Variants in SMAD6 observed in about 807,000 individuals in gnomAD.
SMAD6 encodes the protein MAD homolog 6.
In SMAD6, 103 loss-of-function variants were observed where a neutral mutation model predicts 39.4. The ratio of observed to expected loss-of-function variants is 2.62; its 90% CI spans 2.23 to 3.08. SMAD6 has a LOEUF of 3.08. Ranked by LOEUF, SMAD6 falls within the 30% of genes most tolerant of loss-of-function variation. The probability of loss-of-function intolerance (pLI) is 0.00; values close to 1 mark genes in which losing one functional copy is unlikely to be tolerated. For missense variants in SMAD6, 1,104 were observed against 742.9 expected (o/e 1.49, Z -5.65); for synonymous variants, 445 against 353.3 (o/e 1.26, Z -2.91).
intron 3 of SMAD6, among the ~76,000 whole-genome samples, chr15:66,763,060 C>A (rs1249419535): frequency 6.6e-6 from 1 of 152,204 alleles, no homozygotes; most frequent in African/African-American, 2.4e-5. Context: ...TCTTGCTGAA[C>A]CAGAAGATGT....
At chr15:66,776,348 C>G (rs1284758116) in intron 3 of SMAD6, among the ~76,000 whole-genome samples, 2 of 152,188 alleles carry the variant, frequency 1.3e-5, no homozygotes, top group East Asian at 3.8e-4. Flanking sequence ...CCTTCTGCAC[C>G]CACTTGATTT....
intron 3 of SMAD6, among the ~76,000 whole-genome samples, chr15:66,780,252 C>T (rs1002926058): frequency 1.2e-4 from 19 of 152,166 alleles, no homozygotes; most frequent in Middle Eastern, 3.4e-3. Flanking sequence ...CTCAGGTGGG[C>T]GGTACCAGGA....
At chr15:66,771,824 A>G (rs1415809451) in intron 3 of SMAD6, among the ~76,000 whole-genome samples, 3 of 152,194 alleles carry the variant, frequency 2.0e-5, no homozygotes, top group Admixed American at 6.5e-5. Flanking sequence ...ATCAATTATT[A>G]TGATTGTAGC....
chr15:66,779,711 G>C (rs1178159139), intron 3 of SMAD6, among the ~76,000 whole-genome samples: 1 of 152,254 alleles, frequency 6.6e-6, no homozygotes, highest in Admixed American at 6.5e-5. Context: ...GTTGGACTTT[G>C]ATCAGTTTTC....
At chr15:66,763,541 C>G (rs1894239591) in intron 3 of SMAD6, among the ~76,000 whole-genome samples, 1 of 152,226 alleles carries the variant, frequency 6.6e-6, no homozygotes, top group African/African-American at 2.4e-5. Context: ...GCAGTCTGTC[C>G]CTCTCGGGCC....
chr15:66,775,076 G>T (rs1474273957), intron 3 of SMAD6, among the ~76,000 whole-genome samples: 1 of 152,062 alleles, frequency 6.6e-6, no homozygotes, highest in African/African-American at 2.4e-5. Context: ...TGGCCAGGCT[G>T]GTCTCGAACT....
At position 66,709,795 on chromosome 15, in the gene SMAD6, T is replaced by A. The variant is rs115163869; in HGVS notation, c.818-1873T>A. On this transcript the variant is annotated intron_variant, in intron 1 of 3. Coordinates refer to ENST00000288840, the MANE Select transcript of SMAD6 (RefSeq NM_005585.5). ...CTCCTTCTCTGTACAGTGGAAACAC[T>A]GGCCTCAATTCTCTTTTCCTGTGGA... Among the ~76,000 whole-genome samples the A allele has an allele frequency of 4.4e-3, 671 of 152,294 alleles. 5 individuals carry two copies. Among genetic ancestry groups the A allele is most frequent in the African/African-American group, 0.016 (646 of 41,546 alleles).
intron 3 of SMAD6, among the ~76,000 whole-genome samples, chr15:66,728,510 G>A (rs1168566738): frequency 6.6e-6 from 1 of 151,612 alleles, no homozygotes; most frequent in African/African-American, 2.4e-5. Context: ...AGGTTCAAGC[G>A]ATTCTCCTGC....
chr15:66,779,095 C>T lies in SMAD6; in HGVS notation c.953-1902C>T, dbSNP rs1449069335. Among the ~76,000 whole-genome samples, 76 of 151,748 alleles carry T rather than the reference C, an allele frequency of 5.0e-4. 1 individual carries two copies. Among genetic ancestry groups the T allele is most frequent in the Non-Finnish European group, 1.9e-4 (13 of 67,908 alleles). ...AGGTAGATGGCTGGGGAGAGGGGCACTGGAGTGGGGTGGCTGGGGAGAGGG... is the reference window on the plus strand; with the variant it reads ...AGGTAGATGGCTGGGGAGAGGGGCATTGGAGTGGGGTGGCTGGGGAGAGGG... On this transcript the variant is annotated intron_variant, in intron 3 of 3. Transcript: ENST00000288840.
chr15:66,753,367 G>A (rs115837475), intron 3 of SMAD6, among the ~76,000 whole-genome samples: 1 of 152,332 alleles, frequency 6.6e-6, no homozygotes, highest in African/African-American at 2.4e-5. Flanking sequence ...GGGTCCTTGT[G>A]CGTTGGGCCA....
chr15:66,724,886 C>T lies in SMAD6; in HGVS notation c.952+8388C>T, dbSNP rs567888337. ...GGCTGGCTGCAGATGGCCCCTACCCCTCACTATACATTGGCGGCCTGCATC... is the reference window on the plus strand; with the variant it reads ...GGCTGGCTGCAGATGGCCCCTACCCTTCACTATACATTGGCGGCCTGCATC... On this transcript the variant is annotated intron_variant, in intron 3 of 3. Transcript: ENST00000288840. Among the ~76,000 whole-genome samples, 7 of 152,262 alleles carry T rather than the reference C, an allele frequency of 4.6e-5. No homozygotes were observed. In the South Asian group the frequency reaches 1.0e-3, roughly 23 times the overall value.
chr15:66,711,075 T>G (rs1197151785), intron 1 of SMAD6, among the ~76,000 whole-genome samples: 1 of 152,212 alleles, frequency 6.6e-6, no homozygotes, highest in Non-Finnish European at 1.5e-5. Flanking sequence ...GCAAATAAAA[T>G]GCAGGATGCC....
At chr15:66,754,374 G>C (rs1456341630) in intron 3 of SMAD6, among the ~76,000 whole-genome samples, 1 of 152,146 alleles carries the variant, frequency 6.6e-6, no homozygotes, top group African/African-American at 2.4e-5. Flanking sequence ...GTTCATACTT[G>C]CATCTTCTAA....
In SMAD6 at chr15:66,703,540, G is replaced by C. The variant is rs1355038922; in HGVS notation, c.282G>C (p.Ser94=). 5 of 1,221,486 alleles carry C rather than the reference G, an allele frequency of 4.1e-6. No homozygotes were observed. Among genetic ancestry groups the C allele is most frequent in the Non-Finnish European group, 5.1e-6 (5 of 978,938 alleles). The allele number at this position is 1,221,486 out of a possible 1,614,324, so 75.7% of individuals were successfully genotyped here. The change falls in exon 1 of 4, where the codon TCG becomes TCC. Residue 94 remains serine, a synonymous_variant. Coordinates refer to ENST00000288840, the MANE Select transcript of SMAD6 (RefSeq NM_005585.5). ...RRAGGPPRPM[S]EPGAGAGSSL... ...CAGGGGGCCCCCCGAGGCCCATGTC[G>C]GAGCCAGGGGCCGGCGCTGGGAGCT...
chr15:66,774,367 C>T (rs991722439), intron 3 of SMAD6, among the ~76,000 whole-genome samples: 3 of 152,198 alleles, frequency 2.0e-5, no homozygotes, highest in African/African-American at 7.2e-5. Flanking sequence ...CCTGCACCCC[C>T]ACAAAATTAC....
intron 1 of SMAD6, chr15:66,706,610 G>GCCTT (rs1441679685): frequency 6.6e-6 from 1 of 152,322 alleles, no homozygotes; most frequent in Non-Finnish European, 1.5e-5. Context: ...AGGAGACTGC[G>GCCTT]CCTTCCAGGG....
chr15:66,727,244 A>G (rs1893539005), intron 3 of SMAD6, among the ~76,000 whole-genome samples: 1 of 151,902 alleles, frequency 6.6e-6, no homozygotes, highest in African/African-American at 2.4e-5. Context: ...CTGGGACTAC[A>G]AGCGTGCGCC....
chr15:66,766,213 C>T (rs1894285286), intron 3 of SMAD6, among the ~76,000 whole-genome samples: 1 of 152,070 alleles, frequency 6.6e-6, no homozygotes, highest in African/African-American at 2.4e-5. Flanking sequence ...GGATGGGGGG[C>T]AGGGGGCAGG....
intron 3 of SMAD6, among the ~76,000 whole-genome samples, chr15:66,722,041 G>A (rs1235228863): frequency 6.6e-6 from 1 of 152,196 alleles, no homozygotes; most frequent in Admixed American, 6.5e-5. Flanking sequence ...AAGGAGTTTC[G>A]AGGGACTGGG....
Sources: allele counts gnomAD v4.1 joint callset (sites outside exome capture counted in the v4.1 genomes callset), GRCh38; gene constraint gnomAD v4.1.1; transcripts MANE v1.5; gene names NCBI Gene and HGNC (gene_info 2026-07-23, HGNC 2026-07-21).